Variants in ARMC9 observed in about 807,000 individuals in gnomAD.
The protein encoded by ARMC9 is armadillo repeat containing 9.
Under a neutral mutation model 107.0 loss-of-function variants are expected in ARMC9, and 94 were observed. The observed-to-expected ratio is 0.88, with a 90% CI of 0.74 to 1.04. The LOEUF (loss-of-function observed/expected upper bound fraction) is 1.04, where lower values mean the gene tolerates loss of function less well. Among genes scored for constraint, ARMC9 ranks in the 50% least tolerant of loss-of-function variants. ARMC9 has a pLI of 0.00. For synonymous variants in ARMC9, 380 were observed against 396.9 expected, an observed-to-expected ratio of 0.96 and a Z score of 0.51; for missense variants, 942 against 1,030.1, an observed-to-expected ratio of 0.91 and a Z score of 1.17.
intron 9 of ARMC9, chr2:231,256,048 C>G (rs2037758195): frequency 1.3e-6 from 2 of 1,507,222 alleles, no homozygotes; most frequent in Non-Finnish European, 1.8e-6. Flanking sequence ...TCAAAAAAAA[C>G]AAAAACAAAA....
chr2:231,230,224 G>A (rs558532909), intron 7 of ARMC9, among the ~76,000 whole-genome samples: 3 of 152,012 alleles, frequency 2.0e-5, no homozygotes, highest in East Asian at 3.9e-4. Flanking sequence ...TTAACCGAGC[G>A]TGGCGACGTA....
At chr2:231,331,161 A>G (rs1283448333) in intron 19 of ARMC9, among the ~76,000 whole-genome samples, 2 of 152,150 alleles carry the variant, frequency 1.3e-5, no homozygotes, top group Non-Finnish European at 2.9e-5. Flanking sequence ...AAGAAAACCC[A>G]GGGAAGTCAC....
chr2:231,214,828 C>T lies in ARMC9; in HGVS notation c.178-3C>T, dbSNP rs1356971637. 2 of 1,613,656 alleles carry T rather than the reference C, an allele frequency of 1.2e-6. No individual in the cohort carries two copies. The highest frequency in any genetic ancestry group is 1.3e-5 in the African/African-American group (1 of 75,030). On this transcript the variant is annotated splice_polypyrimidine_tract_variant and splice_region_variant and intron_variant, in intron 3 of 24. Coordinates refer to ENST00000611582, the MANE Select transcript of ARMC9 (RefSeq NM_001352754.2). ...GGTATGTAGTCTGATGTCTTCTCCA[C>T]AGAAGGATCTTGTCGCTGCATTTGA...
chr2:231,369,936 T>C lies in ARMC9; in HGVS notation c.2262-17T>C, dbSNP rs2045953316. On this transcript the variant is annotated splice_polypyrimidine_tract_variant and intron_variant, in intron 23 of 24. Coordinates refer to ENST00000611582, the MANE Select transcript of ARMC9 (RefSeq NM_001352754.2). ...TGCTGTAGTAGCTGGGACTCCAGGT[T>C]GCACGTTTTGTTCTAGGGAATGTGC... 2 of 1,469,820 alleles carry C rather than the reference T, an allele frequency of 1.4e-6. No homozygotes were observed. The highest frequency in any genetic ancestry group is 1.8e-6 in the Non-Finnish European group (2 of 1,106,914). The allele number at this position is 1,469,820 out of a possible 1,614,324, so 91.0% of individuals were successfully genotyped here. A position where few individuals can be genotyped will look rare whatever the true frequency, so the allele number is the denominator to read the frequency against.
chr2:231,356,807 T>C (rs1171239570), intron 22 of ARMC9, among the ~76,000 whole-genome samples: 1 of 152,200 alleles, frequency 6.6e-6, no homozygotes, highest in Non-Finnish European at 1.5e-5. Flanking sequence ...GTGAGCAGCT[T>C]AGTAATTTAT....
chr2:231,264,260 C>T (rs2038647724), intron 12 of ARMC9, among the ~76,000 whole-genome samples: 1 of 152,082 alleles, frequency 6.6e-6, no homozygotes, highest in Non-Finnish European at 1.5e-5. Flanking sequence ...CTCACTGCAA[C>T]CTCTACCTCC....
Position 231,360,944 on chromosome 2 carries a change from A to C in ARMC9, c.2261+61A>C, listed in dbSNP as rs1340422399. ...TCGGAGCTCTGGGAGTGGGCGCCCCACGCCGGATGCAGAGCACCCAGGAGA... is the reference window on the plus strand; with the variant it reads ...TCGGAGCTCTGGGAGTGGGCGCCCCCCGCCGGATGCAGAGCACCCAGGAGA... On this transcript the variant is annotated intron_variant, in intron 23 of 24. Coordinates refer to ENST00000611582, the MANE Select transcript of ARMC9 (RefSeq NM_001352754.2). This position sits in a 1 kb window ranked among gnomAD's most constrained non-coding sequence, Gnocchi z 4.7. 1.5e-5 allele frequency: 22 copies of C among 1,460,184 alleles called. No homozygotes were observed. Among genetic ancestry groups the C allele is most frequent in the African/African-American group, 2.8e-5 (2 of 70,610 alleles). 90.5% of individuals were successfully genotyped at this position (1,460,184 alleles called of 1,614,324 possible).
At chr2:231,276,609 T>A (rs762212683) in intron 14 of ARMC9, 27 bp from the exon 15 acceptor site, 13 of 1,613,818 alleles carry the variant, frequency 8.1e-6, no homozygotes, top group Non-Finnish European at 1.1e-5. Flanking sequence ...TGGCAGTTTG[T>A]ATTTACCGTA....
At chr2:231,203,161 G>A (rs190869038) in intron 1 of ARMC9, among the ~76,000 whole-genome samples, 200 of 152,048 alleles carry the variant, frequency 1.3e-3, no homozygotes, top group African/African-American at 4.4e-3. Flanking sequence ...CTCTTTCTTT[G>A]GTTCTTACAA....
At chr2:231,205,264 G>A (rs143736684) in intron 1 of ARMC9, among the ~76,000 whole-genome samples, 274 of 152,196 alleles carry the variant, frequency 1.8e-3, no homozygotes, top group African/African-American at 6.0e-3. Flanking sequence ...TAGCCACTGG[G>A]GAGGCTGAGG....
chr2:231,306,195 C>T (rs938960404), intron 19 of ARMC9, among the ~76,000 whole-genome samples: 4 of 152,176 alleles, frequency 2.6e-5, no homozygotes, highest in African/African-American at 9.6e-5. Context: ...TCCCTTATTA[C>T]TTCCCTCCTT....
chr2:231,275,907 C>G (rs910916779), intron 14 of ARMC9, among the ~76,000 whole-genome samples: 3 of 152,106 alleles, frequency 2.0e-5, no homozygotes, highest in Admixed American at 6.5e-5. Flanking sequence ...GAGCCGAGAT[C>G]GTGCCATTGC....
intron 17 of ARMC9, among the ~76,000 whole-genome samples, chr2:231,283,461 G>C (rs1220419705): frequency 6.6e-6 from 1 of 152,050 alleles, no homozygotes; most frequent in African/African-American, 2.4e-5. Flanking sequence ...ACAGAGTCTG[G>C]CTCTGTCACC....
chr2:231,281,164 C>T (rs914187419), intron 16 of ARMC9, among the ~76,000 whole-genome samples: 5 of 150,320 alleles, frequency 3.3e-5, no homozygotes, highest in African/African-American at 1.2e-4. Context: ...TAAAAGGATA[C>T]TGCCTCCAGT....
chr2:231,328,035 C>T (rs772733509), intron 19 of ARMC9, among the ~76,000 whole-genome samples: 23 of 152,156 alleles, frequency 1.5e-4, no homozygotes, highest in South Asian at 6.2e-4. Flanking sequence ...TCGCTCGCCT[C>T]GGCTTTCCAA....
chr2:231,351,118 C>T (rs1050803179), intron 21 of ARMC9, among the ~76,000 whole-genome samples: 10 of 145,932 alleles, frequency 6.9e-5, no homozygotes, highest in East Asian at 5.9e-4. Flanking sequence ...CCACCACGCC[C>T]GGCTATTTTT....
chr2:231,361,321 T>G (rs2045568795), intron 23 of ARMC9, among the ~76,000 whole-genome samples: 1 of 151,008 alleles, frequency 6.6e-6, no homozygotes, highest in Admixed American at 6.6e-5. Flanking sequence ...GCCTCCAGGC[T>G]GGGGCGTGGT....
At chr2:231,330,245 T>TTTTG (rs34141279) in intron 19 of ARMC9, among the ~76,000 whole-genome samples, 1 of 134,222 alleles carries the variant, frequency 7.5e-6, no homozygotes, top group Non-Finnish European at 1.6e-5. Flanking sequence ...TTTTTTTTTT[T>TTTTG]GAGACGGAAT....
intron 12 of ARMC9, chr2:231,270,606 C>A (rs1433605180): frequency 4.2e-6 from 2 of 477,908 alleles, no homozygotes; most frequent in Non-Finnish European, 8.6e-6. Context: ...TCTTTTTTAA[C>A]AGTCCATTTA....
Sources: gnomAD v4.1 joint callset for allele counts (sites outside exome capture counted in the v4.1 genomes callset) on GRCh38, gnomAD v4.1.1 for gene constraint, Gnocchi (gnomAD v3.1) non-coding constraint, MANE v1.5 for transcripts, NCBI Gene and HGNC (gene_info 2026-07-23, HGNC 2026-07-21) for gene names.